Variants in SIK3 observed in about 807,000 individuals in gnomAD.
SIK3 encodes the protein serine/threonine-protein kinase SIK3.
In SIK3, 28 loss-of-function variants were observed where a neutral mutation model predicts 144.2. That is an observed-to-expected ratio of 0.19 (90% CI 0.14 to 0.27). The LOEUF is 0.27. SIK3 is among the 10% of genes least tolerant of loss of function. The pLI is 1.00. For missense variants in SIK3, 1,319 were observed against 1,776.0 expected (o/e 0.74, Z 4.62); for synonymous variants, 686 against 676.3 (o/e 1.01, Z -0.22).
In SIK3 at chr11:116,875,280, G is replaced by A. The variant is rs1227433187; in HGVS notation, c.1318-13C>T. The A allele has an allele frequency of 1.2e-6, 2 of 1,613,532 alleles. No homozygotes were observed. The highest frequency in any genetic ancestry group is 2.2e-5 in the East Asian group (1 of 44,884). On this transcript the variant is annotated splice_polypyrimidine_tract_variant and intron_variant, in intron 10 of 24. Transcript: ENST00000445177. ...GTGTCCCATCCGGCTGAGGTGGAGG[G>A]AAACACCATCGAGTTAGAAATCAGA...
At chr11:117,040,654 T>C (rs1201978913) in intron 1 of SIK3, among the ~76,000 whole-genome samples, 5 of 152,104 alleles carry the variant, frequency 3.3e-5, no homozygotes, top group Non-Finnish European at 7.4e-5. Context: ...ACATTCCACA[T>C]ACAGAATATA....
rs537084233 is a variant in SIK3 at position 116,992,319 on chromosome 11, C to A, written c.274-35255G>T. Among the ~76,000 whole-genome samples, 17 of 143,668 alleles carry A rather than the reference C, an allele frequency of 1.2e-4. 1 individual carries two copies. The East Asian group carries it at 2.9e-3, about 24-fold the overall frequency. 94.3% of individuals were successfully genotyped at this position (143,668 alleles called of 152,430 possible). On this transcript the variant is annotated intron_variant, in intron 1 of 24. Coordinates refer to ENST00000445177, the MANE Select transcript of SIK3 (RefSeq NM_001366686.3). ...CAGCCTGGGCAACAGAGCAAGACCC[C>A]CCCCCCCAAAAAAAAACACCTCATA...
Position 116,867,628 on chromosome 11 carries a change from C to G in SIK3, c.1952+318G>C, listed in dbSNP as rs1943717577. ...AATCTTCCTGTTTCCAGGTGGCCTT[C>G]TGAGAGTTTCACTTTCTTGCAGGTC... On this transcript the variant is annotated intron_variant, in intron 15 of 24. Coordinates refer to ENST00000445177, the MANE Select transcript of SIK3 (RefSeq NM_001366686.3). This position sits in a 1 kb window ranked among gnomAD's most constrained non-coding sequence, Gnocchi z 4.1. The G allele has an allele frequency of 4.2e-6, 1 of 238,586 alleles. No individual in the cohort carries two copies. Among genetic ancestry groups the G allele is most frequent in the Non-Finnish European group, 8.0e-6 (1 of 124,974 alleles). 14.8% of individuals were successfully genotyped at this position (238,586 alleles called of 1,614,324 possible). A position where few individuals can be genotyped will look rare whatever the true frequency, so the allele number is the denominator to read the frequency against.
intron 3 of SIK3, among the ~76,000 whole-genome samples, chr11:116,947,872 T>C (rs771500573): frequency 2.3e-4 from 35 of 151,336 alleles, no homozygotes; most frequent in Admixed American, 3.9e-4. Context: ...CCTCTATTTC[T>C]TCTTAAGTCA....
intron 1 of SIK3, among the ~76,000 whole-genome samples, chr11:117,030,604 A>G (rs1418498786): frequency 6.6e-6 from 1 of 152,220 alleles, no homozygotes; most frequent in East Asian, 1.9e-4. Flanking sequence ...TTGAGATCAC[A>G]TGTGGTTTTT....
chr11:117,012,886 C>G (rs552491225), intron 1 of SIK3, among the ~76,000 whole-genome samples: 1 of 121,056 alleles, frequency 8.3e-6, no homozygotes, highest in Non-Finnish European at 1.6e-5. Flanking sequence ...GAGTCTCGCT[C>G]TGTTGCCCAG....
At chr11:117,023,621 A>AAAAAATATATATATATATATATATAT (rs754624841) in intron 1 of SIK3, among the ~76,000 whole-genome samples, 2 of 95,416 alleles carry the variant, frequency 2.1e-5, no homozygotes, top group East Asian at 3.1e-4. Flanking sequence ...AAAAAAAAAA[A>AAAAAATATATATATATATATATATAT]ATATATATAT....
chr11:117,053,540 C>T (rs1953361301), intron 1 of SIK3, among the ~76,000 whole-genome samples: 1 of 152,086 alleles, frequency 6.6e-6, no homozygotes, highest in Non-Finnish European at 1.5e-5. Context: ...AACTGAGACA[C>T]AAAAAAGTTA....
At chr11:117,077,896 G>GT (rs1565621821) in intron 1 of SIK3, among the ~76,000 whole-genome samples, 1 of 152,178 alleles carries the variant, frequency 6.6e-6, no homozygotes, top group Non-Finnish European at 1.5e-5. Flanking sequence ...ACCTGTGTGT[G>GT]TATGTGTGTA....
chr11:116,897,809 G>C (rs567601526), intron 4 of SIK3, among the ~76,000 whole-genome samples: 92 of 152,156 alleles, frequency 6.0e-4, no homozygotes, highest in Non-Finnish European at 1.1e-3. Context: ...CTTGAACCTG[G>C]GAGGCAGAGA....
intron 3 of SIK3, among the ~76,000 whole-genome samples, chr11:116,930,937 CAT>C (rs1446223179): frequency 1.3e-5 from 2 of 152,062 alleles, no homozygotes; most frequent in Non-Finnish European, 2.9e-5. Context: ...TCACTCCAAA[CAT>C]GTACCCAGAC....
chr11:116,871,098 T>C (rs1416564594), intron 13 of SIK3, among the ~76,000 whole-genome samples: 1 of 152,196 alleles, frequency 6.6e-6, no homozygotes, highest in Non-Finnish European at 1.5e-5. Context: ...TGCTTTAAAA[T>C]AGTTGTTACT....
At chr11:116,868,723 A>G (rs891577075) in intron 14 of SIK3, 4 of 152,632 alleles carry the variant, frequency 2.6e-5, no homozygotes, top group African/African-American at 9.6e-5. Context: ...AAATAAAACC[A>G]CATGAAATGT....
chr11:116,940,166 T>A (rs1438826688), intron 3 of SIK3, among the ~76,000 whole-genome samples: 2 of 152,142 alleles, frequency 1.3e-5, no homozygotes, highest in Non-Finnish European at 2.9e-5. Context: ...CACAGGGTTA[T>A]GATTTTCAGA....
At chr11:117,086,581 C>T (rs1450745726) in intron 1 of SIK3, among the ~76,000 whole-genome samples, 5 of 151,818 alleles carry the variant, frequency 3.3e-5, no homozygotes, top group Admixed American at 6.6e-5. Flanking sequence ...GTCCCAGCTA[C>T]CTGGGAGGCT....
At chr11:116,883,917 G>A (rs1944675178) in intron 6 of SIK3, among the ~76,000 whole-genome samples, 1 of 151,832 alleles carries the variant, frequency 6.6e-6, no homozygotes, top group South Asian at 2.1e-4. Flanking sequence ...CTGGGTGACA[G>A]AGTGAGACTC....
chr11:116,888,494 C>T (rs931459913), intron 6 of SIK3, among the ~76,000 whole-genome samples: 5 of 152,206 alleles, frequency 3.3e-5, no homozygotes, highest in Admixed American at 3.3e-4. Flanking sequence ...TGAAGGTTGT[C>T]TAAGCTAAGA....
intron 6 of SIK3, among the ~76,000 whole-genome samples, chr11:116,885,358 A>C (rs958633694): frequency 3.3e-5 from 5 of 152,200 alleles, no homozygotes; most frequent in African/African-American, 1.2e-4. Flanking sequence ...TTATTAGAAA[A>C]ATGACACCTA....
At chr11:117,083,361 C>T (rs1367201132) in intron 1 of SIK3, among the ~76,000 whole-genome samples, 1 of 152,038 alleles carries the variant, frequency 6.6e-6, no homozygotes, top group Non-Finnish European at 1.5e-5. Context: ...CCTAAAGTAC[C>T]ATCCCAACAT....
Sources: gnomAD v4.1 joint callset for allele counts (sites outside exome capture counted in the v4.1 genomes callset) on GRCh38, gnomAD v4.1.1 for gene constraint, Gnocchi (gnomAD v3.1) non-coding constraint, MANE v1.5 for transcripts, NCBI Gene and HGNC (gene_info 2026-07-23, HGNC 2026-07-21) for gene names.